Variants in PAPPA2 observed in about 807,000 individuals in gnomAD.
PAPPA2 encodes pappalysin-2.
PAPPA2 carries 86 observed loss-of-function variants against 176.4 expected under a neutral mutation model. That is an observed-to-expected ratio of 0.49 (90% confidence interval 0.41 to 0.58). The LOEUF (loss-of-function observed/expected upper bound fraction) is 0.58. PAPPA2 is among the 20% of genes least tolerant of loss of function. The probability of loss-of-function intolerance (pLI) is 0.00; values close to 1 mark genes in which losing one functional copy is unlikely to be tolerated. For missense variants in PAPPA2, 2,073 were observed against 2,256.9 expected, an observed-to-expected ratio of 0.92 and a Z score of 1.65; for synonymous variants, 809 against 852.2, an observed-to-expected ratio of 0.95 and a Z score of 0.88.
intron 2 of PAPPA2, among the ~76,000 whole-genome samples, chr1:176,566,504 A>C (rs1313888582): frequency 6.6e-6 from 1 of 152,280 alleles, no homozygotes; most frequent in Non-Finnish European, 1.5e-5. Context: ...TGGCACCATT[A>C]GCTGCTCACC....
At position 176,769,720 on chromosome 1, in the gene PAPPA2, C is replaced by T. The variant is rs547187170; in HGVS notation, c.4437C>T (p.Cys1479=). 21 of 1,613,608 alleles carry T rather than the reference C, an allele frequency of 1.3e-5. No individual in the cohort carries two copies. The African/African-American group carries it at 2.5e-4, about 19-fold the overall frequency. The change falls in exon 16 of 23, where the codon TGC becomes TGT. Residue 1479 remains cysteine, a synonymous_variant. Coordinates refer to ENST00000367662, the MANE Select transcript of PAPPA2 (RefSeq NM_020318.3). ...PSLVNYANFS[C]SEGTKFLKRC... is the part of the protein sequence containing the mutation. Reference sequence around the variant, plus strand: ...TGGTGAACTATGCAAACTTCTCCTGCTCAGAGGGAACCAAATTTCTGAAAC... The same window carrying T: ...TGGTGAACTATGCAAACTTCTCCTGTTCAGAGGGAACCAAATTTCTGAAAC...
At chr1:176,760,376 C>CTATAGAATTTATTGACATATCT (rs1298328953) in intron 14 of PAPPA2, among the ~76,000 whole-genome samples, 1 of 152,004 alleles carries the variant, frequency 6.6e-6, no homozygotes, top group African/African-American at 2.4e-5. Flanking sequence ...CAGTCTTGGC[C>CTATAGAATTTATTGACATATCT]TATAGAATTT....
chr1:176,563,002 C>T (rs1449590272), intron 2 of PAPPA2, among the ~76,000 whole-genome samples: 1 of 152,200 alleles, frequency 6.6e-6, no homozygotes, highest in African/African-American at 2.4e-5. Context: ...CATATTGCTT[C>T]CTGCCTTATT....
At chr1:176,780,731 A>G (rs73048142) in intron 17 of PAPPA2, among the ~76,000 whole-genome samples, 1 of 152,066 alleles carries the variant, frequency 6.6e-6, no homozygotes, top group Non-Finnish European at 1.5e-5. Context: ...ATAAATAGGC[A>G]TATTCTCGGT....
At chr1:176,548,582 A>G (rs941820361) in intron 1 of PAPPA2, among the ~76,000 whole-genome samples, 8 of 151,744 alleles carry the variant, frequency 5.3e-5, no homozygotes, top group Admixed American at 6.6e-5. Flanking sequence ...CTTCATGAAA[A>G]GGCAGTGCAG....
chr1:176,696,877 T>C (rs193153057), intron 7 of PAPPA2, among the ~76,000 whole-genome samples: 14 of 152,340 alleles, frequency 9.2e-5, no homozygotes, highest in Non-Finnish European at 1.6e-4. Flanking sequence ...TCCCAGTCAC[T>C]CAAGTGACAG....
At position 176,463,185 on chromosome 1, in the gene PAPPA2, C is replaced by T. The variant is rs1318110990; in HGVS notation, c.-1150C>T. ...TGAACCCCACTGGGCATGACTCTCT[C>T]TCTTGAGTAGGCACACACTCCCTTT... On this transcript the variant is annotated 5_prime_UTR_variant, in exon 1 of 23. Coordinates refer to ENST00000367662, the MANE Select transcript of PAPPA2 (RefSeq NM_020318.3). 3 of 152,180 alleles carry T rather than the reference C, an allele frequency of 2.0e-5. No individual in the cohort carries two copies. The highest frequency in any genetic ancestry group is 2.0e-4 in the Admixed American group (3 of 15,288). 9.4% of individuals were successfully genotyped at this position (152,180 alleles called of 1,614,324 possible). A position where few individuals can be genotyped will look rare whatever the true frequency, so the allele number is the denominator to read the frequency against.
At chr1:176,704,786 A>G (rs1660807453) in intron 9 of PAPPA2, among the ~76,000 whole-genome samples, 1 of 152,192 alleles carries the variant, frequency 6.6e-6, no homozygotes, top group African/African-American at 2.4e-5. Context: ...GATTTCAAAG[A>G]CTTAGTATAC....
At chr1:176,552,624 C>A (rs1651031240) in intron 1 of PAPPA2, among the ~76,000 whole-genome samples, 1 of 152,122 alleles carries the variant, frequency 6.6e-6, no homozygotes, top group Non-Finnish European at 1.5e-5. Flanking sequence ...AAATCCATAT[C>A]CTCTCCCTTC....
At chr1:176,548,812 C>G (rs1015229292) in intron 1 of PAPPA2, among the ~76,000 whole-genome samples, 2 of 151,932 alleles carry the variant, frequency 1.3e-5, no homozygotes, top group African/African-American at 4.8e-5. Flanking sequence ...ACTACTGTTA[C>G]TAGTTGTAAA....
chr1:176,619,486 GC>G (rs1230372568), intron 3 of PAPPA2, among the ~76,000 whole-genome samples: 2 of 152,180 alleles, frequency 1.3e-5, no homozygotes, highest in Non-Finnish European at 2.9e-5. Context: ...GGGAAAGAAT[GC>G]TGTGTTTGAT....
At chr1:176,752,333 A>G in intron 14 of PAPPA2, among the ~76,000 whole-genome samples, 1 of 120,132 alleles carries the variant, frequency 8.3e-6, no homozygotes, top group Admixed American at 8.7e-5. Context: ...CCTAAAACTT[A>G]GAGTATAATA....
intron 2 of PAPPA2, among the ~76,000 whole-genome samples, chr1:176,570,557 T>TG (rs1652263157): frequency 6.6e-6 from 1 of 152,060 alleles, no homozygotes; most frequent in Admixed American, 6.5e-5. Context: ...AATAGAATAT[T>TG]CTTATAATCC....
intron 2 of PAPPA2, among the ~76,000 whole-genome samples, chr1:176,587,706 G>C (rs1019897940): frequency 2.6e-5 from 4 of 152,178 alleles, no homozygotes; most frequent in African/African-American, 9.7e-5. Context: ...ACTATAGTTT[G>C]AAGTCAGGTA....
At chr1:176,652,339 AT>A (rs1207222453) in intron 3 of PAPPA2, among the ~76,000 whole-genome samples, 1 of 151,740 alleles carries the variant, frequency 6.6e-6, no homozygotes, top group Non-Finnish European at 1.5e-5. Context: ...AAATGTATCT[AT>A]TAATCTGTTG....
At chr1:176,790,550 C>T (rs1429158367) in intron 18 of PAPPA2, among the ~76,000 whole-genome samples, 3 of 152,156 alleles carry the variant, frequency 2.0e-5, no homozygotes, top group Non-Finnish European at 4.4e-5. Context: ...TCCTTGTCTG[C>T]TCCCTTGGCA....
intron 3 of PAPPA2, 137 bp downstream of exon 3, chr1:176,595,732 C>A: frequency 1.1e-6 from 1 of 881,328 alleles, no homozygotes; most frequent in Non-Finnish European, 1.7e-6. Flanking sequence ...CAGTATTAAG[C>A]TTTTGTGAAG....
chr1:176,686,102 G>A (rs1659824487), intron 4 of PAPPA2, among the ~76,000 whole-genome samples: 1 of 152,166 alleles, frequency 6.6e-6, no homozygotes, highest in Non-Finnish European at 1.5e-5. Context: ...GGGAAGAACA[G>A]TGTGAGACCC....
At chr1:176,679,576 C>T (rs1018161168) in intron 4 of PAPPA2, among the ~76,000 whole-genome samples, 3 of 152,088 alleles carry the variant, frequency 2.0e-5, no homozygotes, top group Non-Finnish European at 4.4e-5. Flanking sequence ...AGCTTTGCAA[C>T]CCCCTTCTCT....
Sources: gnomAD v4.1 joint callset for allele counts (sites outside exome capture counted in the v4.1 genomes callset) on GRCh38, gnomAD v4.1.1 for gene constraint, MANE v1.5 for transcripts, NCBI Gene and HGNC (gene_info 2026-07-23, HGNC 2026-07-21) for gene names.